The following LTA4H variants were observed in gnomAD, a reference collection of about 807,000 sequenced individuals.
LTA4H encodes leukotriene A4 hydrolase, also known as leukotriene A-4 hydrolase.
LTA4H carries 59 observed loss-of-function variants against 89.8 expected under a neutral mutation model. That is an observed-to-expected ratio of 0.66 (90% confidence interval 0.53 to 0.82). The LOEUF (loss-of-function observed/expected upper bound fraction) is 0.82. Ranked by LOEUF, LTA4H falls within the 40% of genes least tolerant of loss-of-function variation. The probability of loss-of-function intolerance (pLI) is 0.00; values close to 1 mark genes in which losing one functional copy is unlikely to be tolerated. For synonymous variants in LTA4H, 227 were observed against 253.1 expected (o/e 0.90, Z 0.98); for missense variants, 617 against 727.0 (o/e 0.85, Z 1.74).
chr12:96,006,155 A>G (rs1430775607), intron 16 of LTA4H, among the ~76,000 whole-genome samples, 159 bp downstream of exon 16: 1 of 152,246 alleles, frequency 6.6e-6, no homozygotes, highest in Non-Finnish European at 1.5e-5. Flanking sequence ...TATAAAACAC[A>G]GTAAGCATTC....
Position 96,003,007 on chromosome 12 carries a change from C to A in LTA4H, c.1671G>T (p.Lys557Asn). 6.2e-7 allele frequency: 1 copy of A among 1,606,184 alleles called. No homozygotes were observed. The highest frequency in any genetic ancestry group is 1.7e-5 in the Admixed American group (1 of 59,118). ...TCATTCTTCCTTGTTCAGTTGCCATCTTTAGCGCCAAAGGAATTGCGTCCT... is the reference window on the plus strand; with the variant it reads ...TCATTCTTCCTTGTTCAGTTGCCATATTTAGCGCCAAAGGAATTGCGTCCT... ...KWEDAIPLALKMATEQGRMKF... is the reference protein window; with the variant it reads ...KWEDAIPLALNMATEQGRMKF... The change falls in exon 18 of 19, where the codon AAG becomes AAT. Residue 557 changes from lysine (K) to asparagine (N), a missense_variant. Around this residue, in one of 3 missense-constraint regions of LTA4H, gnomAD observed 290 missense variants for 339.1 expected, o/e 0.86. Coordinates refer to ENST00000228740, the MANE Select transcript of LTA4H (RefSeq NM_000895.3).
upstream of LTA4H, among the ~76,000 whole-genome samples, chr12:96,038,451 G>C (rs1362812179): frequency 6.6e-6 from 1 of 151,972 alleles, no homozygotes; most frequent in East Asian, 1.9e-4. Context: ...CATGATCATG[G>C]GTAACTGCAC....
chr12:96,035,389 T>C lies in LTA4H; in HGVS notation c.131A>G (p.Gln44Arg), dbSNP rs1224278002. ...GCTGCGCAGATTGTCCTCCTGAGACTGGACCGTGAGAGCAGCAGTCCCGGT... is the reference window on the plus strand; with the variant it reads ...GCTGCGCAGATTGTCCTCCTGAGACCGGACCGTGAGAGCAGCAGTCCCGGT... ...TLTGTAALTV[Q>R]SQEDNLRSLV... is the part of the protein sequence containing the mutation. The change falls in exon 1 of 19, where the codon CAG becomes CGG. Residue 44 changes from glutamine (Q) to arginine (R), a missense_variant. By Grantham distance (43) the Gln-to-Arg change is conservative (BLOSUM62 1). This residue lies in a region of LTA4H where 155 missense variants were observed against 143.3 expected (regional missense o/e 1.08). Coordinates refer to ENST00000228740, the MANE Select transcript of LTA4H (RefSeq NM_000895.3). 3.7e-6 allele frequency: 6 copies of C among 1,611,764 alleles called. No individual in the cohort carries two copies. The highest frequency in any genetic ancestry group is 1.7e-5 in the Admixed American group (1 of 59,776).
chr12:96,026,429 G>A (rs1330211173), intron 3 of LTA4H, among the ~76,000 whole-genome samples: 1 of 152,118 alleles, frequency 6.6e-6, no homozygotes, highest in Non-Finnish European at 1.5e-5. Context: ...ACATTTTCAT[G>A]ACTCATAAAT....
intron 18 of LTA4H, among the ~76,000 whole-genome samples, chr12:96,002,646 T>C (rs755628294): frequency 6.6e-6 from 1 of 152,240 alleles, no homozygotes; most frequent in Non-Finnish European, 1.5e-5. Flanking sequence ...TTCTTGTCTA[T>C]ACCTACCCAC....
chr12:96,030,531 G>A (rs931696635), intron 1 of LTA4H, among the ~76,000 whole-genome samples: 6 of 152,098 alleles, frequency 3.9e-5, no homozygotes, highest in Non-Finnish European at 8.8e-5. Flanking sequence ...TCTTGATTCT[G>A]TTAAAAGAAC....
In LTA4H at chr12:96,015,617, T is replaced by C; in HGVS notation, c.1025A>G (p.Asn342Ser). The C allele has an allele frequency of 1.2e-6, 2 of 1,614,094 alleles. No homozygotes were observed. The highest frequency in any genetic ancestry group is 1.7e-6 in the Non-Finnish European group (2 of 1,179,930). Residue 342 changes from asparagine (N) to serine (S), a missense_variant, in exon 11 of 19, where the codon AAT becomes AGT. Asn to Ser is a conservative substitution (Grantham distance 46). Coordinates refer to ENST00000228740, the MANE Select transcript of LTA4H (RefSeq NM_000895.3). ...RLFGEKFRHFNALGGWGELQN... is the reference protein window; with the variant it reads ...RLFGEKFRHFSALGGWGELQN... ...TAGTTCTCCCCATCCTCCCAGAGCATTAAAATGTCTGAACTTTTCACCAAA... is the reference window on the plus strand; with the variant it reads ...TAGTTCTCCCCATCCTCCCAGAGCACTAAAATGTCTGAACTTTTCACCAAA...
chr12:96,037,400 G>A (rs552309632), upstream of LTA4H, among the ~76,000 whole-genome samples: 1 of 152,284 alleles, frequency 6.6e-6, no homozygotes, highest in African/African-American at 2.4e-5. Context: ...AGGGCTAGAG[G>A]AAGAGAAACC....
intron 14 of LTA4H, 148 bp downstream of exon 14, chr12:96,013,040 C>T: frequency 1.8e-6 from 1 of 551,768 alleles, no homozygotes; most frequent in East Asian, 2.8e-5. Context: ...TTCTTTTGGC[C>T]TCAGGGTTAA....
chr12:96,022,379 A>G lies in LTA4H; in HGVS notation c.481-128T>C. The stretch of plus-strand genomic sequence containing the variant: ...TAAACAGACTATGAACACAAAAAGT[A>G]TATACATATACAAAAAGTATATATA... On this transcript the variant is annotated intron_variant, in intron 4 of 18. Coordinates refer to ENST00000228740, the MANE Select transcript of LTA4H (RefSeq NM_000895.3). The surrounding 1 kb of genome is among the most constrained non-coding windows in gnomAD (Gnocchi z 4.0). The G allele has an allele frequency of 4.9e-6, 3 of 611,426 alleles. No homozygotes were observed. Among genetic ancestry groups the G allele is most frequent in the South Asian group, 4.1e-5 (2 of 49,254 alleles). The allele number at this position is 611,426 out of a possible 1,614,324, so 37.9% of individuals were successfully genotyped here.
At position 96,035,494 on chromosome 12, in the gene LTA4H, G is replaced by A; in HGVS notation, c.26C>T (p.Ser9Leu). The change falls in exon 1 of 19, where the codon TCG becomes TTG. Residue 9 changes from serine to leucine, a missense_variant. Physicochemically the swap from Ser to Leu is moderately radical, Grantham distance 145 (BLOSUM62 -2). Around this residue, in one of 3 missense-constraint regions of LTA4H, gnomAD observed 155 missense variants for 143.3 expected, o/e 1.08. Coordinates refer to ENST00000228740, the MANE Select transcript of LTA4H (RefSeq NM_000895.3). ...GCAGACGGAAGCCGGAGAGGCCAAC[G>A]AACAGGTATCCACTATCTCGGGCAT... MPEIVDTCSLASPASVCRT... is the reference protein window; with the variant it reads MPEIVDTCLLASPASVCRT... The A allele has an allele frequency of 6.2e-7, 1 of 1,608,120 alleles. No individual in the cohort carries two copies.
At chr12:96,012,203 G>A (rs975690615) in intron 14 of LTA4H, 1 of 152,182 alleles carries the variant, frequency 6.6e-6, no homozygotes, top group African/African-American at 2.4e-5. Context: ...AACATGACCA[G>A]GCCTCATCTT....
At chr12:96,026,811 G>A (rs184495709) in intron 3 of LTA4H, among the ~76,000 whole-genome samples, 1 of 152,270 alleles carries the variant, frequency 6.6e-6, no homozygotes, top group East Asian at 1.9e-4. Flanking sequence ...TGAAAAGTAG[G>A]TATTTTTTCT....
At chr12:96,010,769 G>T (rs1325898729) in intron 14 of LTA4H, 1 of 152,236 alleles carries the variant, frequency 6.6e-6, no homozygotes, top group Non-Finnish European at 1.5e-5. Context: ...GAGTGGCTGG[G>T]AGAAGTCAGA....
chr12:96,036,205 A>C (rs576964096), upstream of LTA4H, among the ~76,000 whole-genome samples: 4 of 152,220 alleles, frequency 2.6e-5, no homozygotes, highest in Non-Finnish European at 4.4e-5. Context: ...TCTCAAACGG[A>C]GAAAGCCAAC....
At chr12:96,041,642 C>G (rs1950686575) in intron 1 of LTA4H, among the ~76,000 whole-genome samples, 1 of 152,006 alleles carries the variant, frequency 6.6e-6, no homozygotes, top group African/African-American at 2.4e-5. Context: ...GTATAAACCC[C>G]CAGTTGTTGT....
chr12:96,005,873 G>A (rs59537617), intron 16 of LTA4H, among the ~76,000 whole-genome samples: 3,194 of 152,086 alleles, frequency 0.021, 116 homozygotes, highest in African/African-American at 0.073. Flanking sequence ...TCAGCCTCCT[G>A]AGTAGCTGGG....
Position 96,000,975 on chromosome 12 carries a change from C to T in LTA4H, c.*14G>A. The T allele has an allele frequency of 6.7e-7, 1 of 1,484,552 alleles. No homozygotes were observed. The highest frequency in any genetic ancestry group is 9.4e-7 in the Non-Finnish European group (1 of 1,062,142). The allele number at this position is 1,484,552 out of a possible 1,614,324, so 92.0% of individuals were successfully genotyped here. A position where few individuals can be genotyped will look rare whatever the true frequency, so the allele number is the denominator to read the frequency against. On this transcript the variant is annotated 3_prime_UTR_variant, in exon 19 of 19. Transcript: ENST00000228740. ...AAAAAAGAGAAATCTCTAAAATCAT[C>T]AATACGCAGGTCTTTAATCCACTTT...
intron 16 of LTA4H, 148 bp from the exon 17 acceptor site, chr12:96,004,068 A>T: frequency 2.5e-6 from 1 of 400,462 alleles, no homozygotes; most frequent in Non-Finnish European, 4.2e-6. Flanking sequence ...AACAAATTGC[A>T]CACTAAGTAA....
Sources: allele counts gnomAD v4.1 joint callset (sites outside exome capture counted in the v4.1 genomes callset), GRCh38; gene constraint gnomAD v4.1.1; regional missense constraint gnomAD v4.1.1; non-coding constraint Gnocchi (gnomAD v3.1); transcripts MANE v1.5; gene names NCBI Gene and HGNC (gene_info 2026-07-23, HGNC 2026-07-21).